Variants in GLMN observed in about 807,000 individuals in gnomAD.
GLMN encodes the protein glomulin.
Under a neutral mutation model 87.8 loss-of-function variants are expected in GLMN, and 75 were observed. The ratio of observed to expected loss-of-function variants is 0.85; its 90% CI spans 0.71 to 1.04. The LOEUF is 1.04. GLMN is among the 50% of genes least tolerant of loss of function. The pLI is 0.00. For missense variants in GLMN, 588 were observed against 658.8 expected (o/e 0.89, Z 1.18); for synonymous variants, 206 against 221.6 (o/e 0.93, Z 0.63).
At chr1:92,311,780 C>G in the GLMN span, among the ~76,000 whole-genome samples, 1 of 152,172 alleles carries the variant, frequency 6.6e-6, no homozygotes, top group African/African-American at 2.4e-5. Context: ...AGTTATGTTT[C>G]CACTATACTG....
At chr1:92,277,391 G>A (rs992285578) in intron 7 of GLMN, among the ~76,000 whole-genome samples, 2 of 152,096 alleles carry the variant, frequency 1.3e-5, no homozygotes, top group Non-Finnish European at 2.9e-5. Context: ...CCCACTTCCT[G>A]GGATATAACT....
intron 16 of GLMN, among the ~76,000 whole-genome samples, chr1:92,258,176 A>G (rs1284823466): frequency 6.6e-6 from 1 of 152,380 alleles, no homozygotes; most frequent in Non-Finnish European, 1.5e-5. Flanking sequence ...TGGTCATTAG[A>G]GAAATGCAAA....
the GLMN span, among the ~76,000 whole-genome samples, chr1:92,361,831 C>G: frequency 1.4e-5 from 2 of 145,210 alleles, no homozygotes; most frequent in East Asian, 3.9e-4. Context: ...TTGCTTTTAT[C>G]TTCCATGGAC....
At position 92,271,574 on chromosome 1, in the gene GLMN, G is replaced by A; in HGVS notation, c.814C>T (p.Leu272Phe). 1 of 1,611,088 alleles carries A rather than the reference G, an allele frequency of 6.2e-7. No homozygotes were observed. Residue 272 changes from leucine to phenylalanine, a missense_variant, in exon 8 of 19, where the codon CTT becomes TTT. Transcript: ENST00000370360. ...TTATTTTCTTCTTCTTCAAATTCAA[G>A]GTAATTCCAAGTTCTCTTTTTCCTT... Reference protein sequence around the residue: ...HGRKKRTWNYLEFEEEENKQL... With the variant: ...HGRKKRTWNYFEFEEEENKQL...
chr1:92,300,216 G>A, upstream of GLMN: 6 of 1,610,166 alleles, frequency 3.7e-6, no homozygotes, highest in Non-Finnish European at 5.1e-6. Context: ...CAAGTACTTT[G>A]AAACAAGAAG....
In GLMN at chr1:92,272,161, G is replaced by T. The variant is rs528187038; in HGVS notation, c.736-509C>A. On this transcript the variant is annotated intron_variant, in intron 7 of 18. Transcript: ENST00000370360. ...AGCTTAGAGGAAATGAATTCTGCCA[G>T]CGGAGGAAACCTGAAAGTGGATCTT... Among the ~76,000 whole-genome samples the T allele has an allele frequency of 9.8e-5, 15 of 152,306 alleles. No homozygotes were observed. The South Asian group carries it at 2.9e-3, about 29-fold the overall frequency.
chr1:92,246,708 A>AAAG (rs2100760372), intron 18 of GLMN, 62 bp from the exon 19 acceptor site: 3 of 892,368 alleles, frequency 3.4e-6, no homozygotes, highest in African/African-American at 1.6e-5. Context: ...AAAGCAAAAC[A>AAAG]CAGAAAAGAT....
the GLMN span, among the ~76,000 whole-genome samples, chr1:92,361,730 G>T: frequency 6.6e-6 from 1 of 152,144 alleles, no homozygotes; most frequent in Middle Eastern, 3.2e-3. Flanking sequence ...AGATGTAAAT[G>T]TGAGATTATC....
In GLMN at chr1:92,250,903, A is replaced by G. The variant is rs530804128; in HGVS notation, c.1474-2914T>C. ...CAATTCTGAGCTTTGACAAAGATAT[A>G]TAGTGATATAAAGTCATGTAACCAC... On this transcript the variant is annotated intron_variant, in intron 16 of 18. Transcript: ENST00000370360. 1.1e-4 allele frequency among the ~76,000 whole-genome samples: 17 copies of G among 152,310 alleles called. No individual in the cohort carries two copies. In the East Asian group the frequency reaches 3.1e-3, roughly 28 times the overall value.
At chr1:92,258,243 T>A (rs892822221) in intron 16 of GLMN, among the ~76,000 whole-genome samples, 3 of 114,964 alleles carry the variant, frequency 2.6e-5, no homozygotes, top group African/African-American at 9.3e-5. Context: ...CATTAAAAAG[T>A]CAGGAAACAA....
chr1:92,281,805 A>C (rs1325985160), intron 7 of GLMN, among the ~76,000 whole-genome samples: 1 of 152,138 alleles, frequency 6.6e-6, no homozygotes, highest in Non-Finnish European at 1.5e-5. Context: ...GCAAAAAAAA[A>C]AAAGCAAGGG....
intron 16 of GLMN, among the ~76,000 whole-genome samples, chr1:92,253,675 G>A (rs1287680204): frequency 6.6e-6 from 1 of 152,124 alleles, no homozygotes. Context: ...TGCAGAAGAG[G>A]GGCCTGACTG....
chr1:92,304,966 C>G, the GLMN span, among the ~76,000 whole-genome samples: 4 of 151,652 alleles, frequency 2.6e-5, no homozygotes, highest in Non-Finnish European at 5.9e-5. Flanking sequence ...AAAACCCTGT[C>G]TCTACAAAAA....
the GLMN span, among the ~76,000 whole-genome samples, chr1:92,367,943 T>A: frequency 6.6e-6 from 1 of 152,206 alleles, no homozygotes. Context: ...GTTTTGAAAG[T>A]CAGGTTTGCA....
the GLMN span, among the ~76,000 whole-genome samples, chr1:92,346,651 A>G: frequency 4.6e-5 from 7 of 152,206 alleles, no homozygotes; most frequent in Non-Finnish European, 8.8e-5. Flanking sequence ...AGTTTTTCAA[A>G]TTAATGTACA....
Sources: gnomAD v4.1 joint callset for allele counts (sites outside exome capture counted in the v4.1 genomes callset) on GRCh38, gnomAD v4.1.1 for gene constraint, MANE v1.5 for transcripts, NCBI Gene and HGNC (gene_info 2026-07-23, HGNC 2026-07-21) for gene names.